Variants in TAFA4 observed in about 807,000 individuals in gnomAD.
The protein encoded by TAFA4 is chemokine-like protein TAFA-4.
In TAFA4, 20 loss-of-function variants were observed where a neutral mutation model predicts 21.1. The ratio of observed to expected loss-of-function variants is 0.95; its 90% CI spans 0.67 to 1.38. The LOEUF is 1.38. Among genes scored for constraint, TAFA4 ranks in the 40% most tolerant of loss-of-function variants. The pLI, the probability that TAFA4 is intolerant of heterozygous loss-of-function variation, is 0.00. For missense variants in TAFA4, 211 were observed against 180.9 expected, an observed-to-expected ratio of 1.17 and a Z score of -0.95; for synonymous variants, 71 against 67.4, an observed-to-expected ratio of 1.05 and a Z score of -0.26.
intron 1 of TAFA4, among the ~76,000 whole-genome samples, chr3:68,892,036 G>A (rs2089735214): frequency 6.6e-6 from 1 of 152,010 alleles, no homozygotes; most frequent in South Asian, 2.1e-4. Context: ...GAAAGTAAAT[G>A]TGCTTAACAG....
chr3:68,816,000 T>C (rs1036781017), intron 3 of TAFA4, among the ~76,000 whole-genome samples: 6 of 152,186 alleles, frequency 3.9e-5, no homozygotes, highest in Admixed American at 1.3e-4. Flanking sequence ...AAAGGATGCG[T>C]TCATGTCCTT....
intron 4 of TAFA4, among the ~76,000 whole-genome samples, chr3:68,747,177 TCTTC>T (rs1249091796): frequency 2.6e-5 from 4 of 152,210 alleles, no homozygotes; most frequent in Admixed American, 2.6e-4. Flanking sequence ...CTATTTTATG[TCTTC>T]CTTCCTGCCC....
At chr3:68,757,595 T>A (rs1242945141) in intron 3 of TAFA4, among the ~76,000 whole-genome samples, 2 of 152,222 alleles carry the variant, frequency 1.3e-5, no homozygotes, top group African/African-American at 2.4e-5. Flanking sequence ...ATGCTATGAT[T>A]TACTTAGAAC....
At chr3:68,797,457 C>CA (rs1401847831) in intron 3 of TAFA4, among the ~76,000 whole-genome samples, 1 of 151,610 alleles carries the variant, frequency 6.6e-6, no homozygotes, top group East Asian at 1.9e-4. Flanking sequence ...ACTAAAAATA[C>CA]AAAAAATTAG....
intron 2 of TAFA4, 57 bp from the exon 3 acceptor site, chr3:68,880,902 C>G (rs1177549406): frequency 7.1e-7 from 1 of 1,402,742 alleles, no homozygotes. Flanking sequence ...GACTCCCTGG[C>G]AAGCACCATT....
intron 1 of TAFA4, among the ~76,000 whole-genome samples, chr3:68,915,699 T>C (rs926520895): frequency 6.6e-6 from 1 of 152,166 alleles, no homozygotes; most frequent in Non-Finnish European, 1.5e-5. Flanking sequence ...GGTGACTTTA[T>C]GGGACTGCAT....
At chr3:68,768,795 T>C (rs1028285777) in intron 3 of TAFA4, among the ~76,000 whole-genome samples, 1 of 152,122 alleles carries the variant, frequency 6.6e-6, no homozygotes, top group Admixed American at 6.6e-5. Context: ...GGTGACAACA[T>C]GGACGAATCT....
intron 4 of TAFA4, among the ~76,000 whole-genome samples, chr3:68,742,011 A>G (rs1431725623): frequency 6.6e-6 from 1 of 152,220 alleles, no homozygotes; most frequent in Non-Finnish European, 1.5e-5. Context: ...ACATCACATT[A>G]AGAGGATCCT....
At chr3:68,931,325 G>A (rs575513294) in intron 1 of TAFA4, among the ~76,000 whole-genome samples, 1 of 152,254 alleles carries the variant, frequency 6.6e-6, no homozygotes, top group African/African-American at 2.4e-5. Context: ...AGGTCTCGGC[G>A]AGTCCGTGAA....
chr3:68,828,099 G>A (rs955188437), intron 3 of TAFA4, among the ~76,000 whole-genome samples: 2 of 152,028 alleles, frequency 1.3e-5, no homozygotes, highest in African/African-American at 4.8e-5. Flanking sequence ...TCTACATATG[G>A]CTAGTTTTCA....
At chr3:68,790,217 C>G (rs1409220858) in intron 3 of TAFA4, among the ~76,000 whole-genome samples, 3 of 151,642 alleles carry the variant, frequency 2.0e-5, no homozygotes, top group East Asian at 1.9e-4. Context: ...AATATTAACT[C>G]TAATGCAGAC....
chr3:68,854,047 A>G (rs114671140), intron 3 of TAFA4, among the ~76,000 whole-genome samples: 2,037 of 152,266 alleles, frequency 0.013, 44 homozygotes, highest in African/African-American at 0.046. Context: ...GGAAAAATAA[A>G]TGAAAATATA....
intron 2 of TAFA4, among the ~76,000 whole-genome samples, chr3:68,881,087 T>C (rs2089612409): frequency 1.3e-5 from 2 of 152,226 alleles, no homozygotes; most frequent in South Asian, 4.1e-4. Context: ...AGAAGCTTAT[T>C]TATGAATCTG....
At chr3:68,891,404 T>A (rs191824614) in intron 1 of TAFA4, among the ~76,000 whole-genome samples, 1 of 152,192 alleles carries the variant, frequency 6.6e-6, no homozygotes, top group East Asian at 1.9e-4. Flanking sequence ...CAAGCCCATC[T>A]TGCATCACCT....
At chr3:68,845,631 T>C (rs528456739) in intron 3 of TAFA4, among the ~76,000 whole-genome samples, 116 of 152,342 alleles carry the variant, frequency 7.6e-4, no homozygotes, top group South Asian at 1.0e-3. Flanking sequence ...CTTTACAATT[T>C]GGCATGTTTA....
intron 3 of TAFA4, among the ~76,000 whole-genome samples, chr3:68,854,352 G>T (rs1433068389): frequency 6.6e-6 from 1 of 152,018 alleles, no homozygotes; most frequent in African/African-American, 2.4e-5. Flanking sequence ...GGCCTTGGAG[G>T]TCATGAAAAT....
intron 1 of TAFA4, among the ~76,000 whole-genome samples, chr3:68,907,744 T>C (rs1279249834): frequency 2.6e-5 from 4 of 152,196 alleles, no homozygotes; most frequent in Non-Finnish European, 5.9e-5. Context: ...AGGCTACTCA[T>C]GGCATGAAGT....
chr3:68,817,774 G>A (rs754525166), intron 3 of TAFA4, among the ~76,000 whole-genome samples: 49 of 151,940 alleles, frequency 3.2e-4, no homozygotes, highest in Admixed American at 7.2e-4. Flanking sequence ...TTTTTTCTGG[G>A]CAGTAGTTCT....
intron 3 of TAFA4, among the ~76,000 whole-genome samples, chr3:68,815,036 C>A (rs138157182): frequency 0.02 from 3,065 of 152,264 alleles, 50 homozygotes; most frequent in Middle Eastern, 0.054. Flanking sequence ...TGATCTTTGA[C>A]AAACCTGACA....
Sources: gnomAD v4.1 joint callset for allele counts (sites outside exome capture counted in the v4.1 genomes callset) on GRCh38, gnomAD v4.1.1 for gene constraint, MANE v1.5 for transcripts, NCBI Gene and HGNC (gene_info 2026-07-23, HGNC 2026-07-21) for gene names.